ZFP14: variants seen among roughly 807,000 people sequenced by gnomAD.
ZFP14 encodes the protein zinc finger protein 14 homolog.
ZFP14 carries 22 observed loss-of-function variants against 54.5 expected under a neutral mutation model. That is an observed-to-expected ratio of 0.40 (90% CI 0.29 to 0.58). The LOEUF (loss-of-function observed/expected upper bound fraction) is 0.58. ZFP14 is among the 20% of genes least tolerant of loss of function. The pLI is 0.39. For missense variants in ZFP14, 470 were observed against 637.8 expected, an observed-to-expected ratio of 0.74 and a Z score of 2.83; for synonymous variants, 159 against 204.0, an observed-to-expected ratio of 0.78 and a Z score of 1.88.
intron 4 of ZFP14, among the ~76,000 whole-genome samples, chr19:36,344,822 C>A (rs759721543): frequency 3.3e-5 from 5 of 152,200 alleles, no homozygotes; most frequent in Non-Finnish European, 7.3e-5. Context: ...GTACCATTTT[C>A]TCCCGCCCCA....
At chr19:36,366,077 C>T (rs1050541641) in intron 2 of ZFP14, among the ~76,000 whole-genome samples, 2 of 151,326 alleles carry the variant, frequency 1.3e-5, no homozygotes, top group African/African-American at 2.4e-5. Flanking sequence ...CCAGCCTGGC[C>T]GACATGGTGA....
In ZFP14 at chr19:36,360,503, G is replaced by A. The variant is rs2031693169; in HGVS notation, c.167C>T (p.Thr56Ile). ...GPSISKPDVI[T>I]LLDEERKEPG... The stretch of plus-strand genomic sequence containing the variant: ...TTCCTTCCTTTCTTCATCCAATAAG[G>A]TAATCACATCTGGTTTAGAAATGGA... Residue 56 changes from threonine (T) to isoleucine (I), a missense_variant, in exon 4 of 5, where the codon ACC becomes ATC. Coordinates refer to ENST00000270001, the MANE Select transcript of ZFP14 (RefSeq NM_020917.3). The A allele has an allele frequency of 1.9e-6, 3 of 1,613,388 alleles. No homozygotes were observed. The highest frequency in any genetic ancestry group is 1.3e-5 in the African/African-American group (1 of 75,020).
chr19:36,364,739 T>C (rs990509376), intron 2 of ZFP14, among the ~76,000 whole-genome samples: 2 of 152,096 alleles, frequency 1.3e-5, no homozygotes, highest in African/African-American at 2.4e-5. Flanking sequence ...CCTATATACT[T>C]GAAAAACTCA....
Position 36,341,087 on chromosome 19 carries a change from G to C in ZFP14, c.739C>G (p.Gln247Glu), listed in dbSNP as rs1422124784. ...FTVLQELTQHQRLHTGEKPYE... is the reference protein window; with the variant it reads ...FTVLQELTQHERLHTGEKPYE... ...GGTTTTTCACCCGTATGAAGTCTCT[G>C]ATGTTGAGTAAGTTCTTGGAGCACT... Residue 247 changes from glutamine (Q) to glutamate (E), a missense_variant, in exon 5 of 5, where the codon CAG becomes GAG. Coordinates refer to ENST00000270001, the MANE Select transcript of ZFP14 (RefSeq NM_020917.3). This position sits in a 1 kb window ranked among gnomAD's most constrained non-coding sequence, Gnocchi z 4.2. 4 of 1,613,796 alleles carry C rather than the reference G, an allele frequency of 2.5e-6. No homozygotes were observed. The highest frequency in any genetic ancestry group is 2.2e-5 in the East Asian group (1 of 44,880).
At chr19:36,362,895 T>C in intron 2 of ZFP14, 1 of 254,112 alleles carries the variant, frequency 3.9e-6, no homozygotes, top group Non-Finnish European at 8.1e-6. Context: ...ACTTTCTCTT[T>C]TATAACCAAT....
chr19:36,372,851 C>A (rs1319814645), intron 1 of ZFP14, among the ~76,000 whole-genome samples: 1 of 152,180 alleles, frequency 6.6e-6, no homozygotes, highest in African/African-American at 2.4e-5. Context: ...TAATACCATT[C>A]AGCTATGATA....
chr19:36,338,206 G>T lies in ZFP14; in HGVS notation c.*2018C>A, dbSNP rs1490513835. 2 of 151,962 alleles carry T rather than the reference G, an allele frequency of 1.3e-5. No homozygotes were observed. Among genetic ancestry groups the T allele is most frequent in the East Asian group, 1.9e-4 (1 of 5,148 alleles). The allele number at this position is 151,962 out of a possible 1,614,324, so 9.4% of individuals were successfully genotyped here. A position where few individuals can be genotyped will look rare whatever the true frequency, so the allele number is the denominator to read the frequency against. ...GGGTTTCACCATGTTAACCAGGTTGGTCTCAAACTCCTGGCCTCAAGTGAT... is the reference window on the plus strand; with the variant it reads ...GGGTTTCACCATGTTAACCAGGTTGTTCTCAAACTCCTGGCCTCAAGTGAT... On this transcript the variant is annotated 3_prime_UTR_variant, in exon 5 of 5. Transcript: ENST00000270001.
intron 4 of ZFP14, among the ~76,000 whole-genome samples, chr19:36,357,469 G>A (rs2145552936): frequency 6.6e-6 from 1 of 152,310 alleles, no homozygotes; most frequent in Non-Finnish European, 1.5e-5. Flanking sequence ...GCTTTTATAT[G>A]TAGGTCTAAA....
At chr19:36,349,085 C>T (rs1428945820) in intron 4 of ZFP14, among the ~76,000 whole-genome samples, 4 of 151,226 alleles carry the variant, frequency 2.6e-5, no homozygotes, top group African/African-American at 4.9e-5. Context: ...AAAAATTAGC[C>T]GGGTGTAGTG....
At chr19:36,369,237 A>G (rs1198466192) in intron 1 of ZFP14, among the ~76,000 whole-genome samples, 1 of 152,158 alleles carries the variant, frequency 6.6e-6, no homozygotes, top group African/African-American at 2.4e-5. Context: ...TGTGTTGGGT[A>G]CTTCATACAC....
intron 4 of ZFP14, among the ~76,000 whole-genome samples, chr19:36,349,591 C>T (rs2031487285): frequency 6.6e-6 from 1 of 150,784 alleles, no homozygotes; most frequent in African/African-American, 2.4e-5. Context: ...ACTTGAACCT[C>T]AGGAGGCAGA....
intron 1 of ZFP14, among the ~76,000 whole-genome samples, chr19:36,371,902 G>A (rs2945949): frequency 0.68 from 102,324 of 150,326 alleles, 34,968 homozygotes; most frequent in African/African-American, 0.76. Context: ...AGGTTGCAGT[G>A]AGCTATGATC....
chr19:36,376,655 G>T lies in ZFP14; in HGVS notation c.-80+2508C>A, dbSNP rs191039778. Among the ~76,000 whole-genome samples, 9 of 152,284 alleles carry T rather than the reference G, an allele frequency of 5.9e-5. No homozygotes were observed. The East Asian group carries it at 1.7e-3, about 29-fold the overall frequency. On this transcript the variant is annotated intron_variant, in intron 1 of 4. Coordinates refer to ENST00000270001, the MANE Select transcript of ZFP14 (RefSeq NM_020917.3). ...GTACAAAGATAAAACAAATGTGGTA[G>T]GATACCAATTTTTGGATCTGGGTGA...
chr19:36,343,999 CTCTT>C (rs2031369475), intron 4 of ZFP14, among the ~76,000 whole-genome samples: 1 of 152,038 alleles, frequency 6.6e-6, no homozygotes, highest in South Asian at 2.1e-4. Flanking sequence ...TCTTAGCACA[CTCTT>C]TCTCTTTTCT....
Position 36,362,085 on chromosome 19 carries a change from A to C in ZFP14, c.136+27T>G, listed in dbSNP as rs76886567. On this transcript the variant is annotated intron_variant, in intron 3 of 4. Transcript: ENST00000270001. ...CCTGAAATTGACAGCAGAGAAAGCT[A>C]ATATCATTTGGGATAAATAACCTTA... 7,517 of 1,572,488 alleles carry C rather than the reference A, an allele frequency of 4.8e-3. 212 individuals carry two copies. In the African/African-American group the frequency reaches 0.079, roughly 17 times the overall value.
At chr19:36,349,231 CAAAAAAAAAAACAAAAAAAAAAAAACA>C (rs2031474787) in intron 4 of ZFP14, among the ~76,000 whole-genome samples, 6 of 4,264 alleles carry the variant, frequency 1.4e-3, no homozygotes, top group Non-Finnish European at 2.4e-3. Context: ...AACTCTGTCT[CAAAAAAAAAAACAAAAAAAAAAAAACA>C]AAAAAAAAAA....
chr19:36,358,045 G>GATCGATCTATCT (rs544309405), intron 4 of ZFP14, among the ~76,000 whole-genome samples: 37 of 141,756 alleles, frequency 2.6e-4, no homozygotes, highest in African/African-American at 8.3e-4. Context: ...GCCCGGCTCT[G>GATCGATCTATCT]ATCTATCTAT....
At chr19:36,373,836 T>C (rs891531685) in intron 1 of ZFP14, among the ~76,000 whole-genome samples, 27 of 138,228 alleles carry the variant, frequency 2.0e-4, no homozygotes, top group African/African-American at 7.4e-4. Context: ...GGCTTGAGCC[T>C]GGGAAGCAGA....
chr19:36,342,915 A>T (rs2031348972), intron 4 of ZFP14, among the ~76,000 whole-genome samples: 1 of 152,330 alleles, frequency 6.6e-6, no homozygotes, highest in African/African-American at 2.4e-5. Flanking sequence ...TCATAAGCCA[A>T]TCATCTACAT....
Sources: gnomAD v4.1 joint callset for allele counts (sites outside exome capture counted in the v4.1 genomes callset) on GRCh38, gnomAD v4.1.1 for gene constraint, Gnocchi (gnomAD v3.1) non-coding constraint, MANE v1.5 for transcripts, NCBI Gene and HGNC (gene_info 2026-07-23, HGNC 2026-07-21) for gene names.